ZFPM2: variants seen among roughly 807,000 people sequenced by gnomAD.
ZFPM2 encodes zinc finger protein, FOG family member 2.
A neutral mutation model predicts 98.6 loss-of-function variants in ZFPM2; 20 were observed. That is an observed-to-expected ratio of 0.20 (90% CI 0.14 to 0.29). The LOEUF (loss-of-function observed/expected upper bound fraction) is 0.29, where lower values mean the gene tolerates loss of function less well. ZFPM2 is among the 10% of genes least tolerant of loss of function. ZFPM2 has a pLI of 1.00. For missense variants in ZFPM2, 1,310 were observed against 1,388.6 expected (o/e 0.94, Z 0.90); for synonymous variants, 518 against 502.7 (o/e 1.03, Z -0.41).
chr8:105,539,226 T>TA (rs1814525202), intron 3 of ZFPM2, among the ~76,000 whole-genome samples: 1 of 152,180 alleles, frequency 6.6e-6, no homozygotes, highest in Non-Finnish European at 1.5e-5. Context: ...AAAATGTCTG[T>TA]ATTCTGTACT....
intron 3 of ZFPM2, among the ~76,000 whole-genome samples, chr8:105,465,647 A>G (rs1161069125): frequency 6.6e-6 from 1 of 151,924 alleles, no homozygotes; most frequent in Non-Finnish European, 1.5e-5. Flanking sequence ...AAAGCCAACT[A>G]TTTGCAATAT....
At chr8:105,666,215 C>T (rs1401515313) in intron 5 of ZFPM2, among the ~76,000 whole-genome samples, 2 of 150,500 alleles carry the variant, frequency 1.3e-5, no homozygotes, top group Non-Finnish European at 2.9e-5. Context: ...CATAACTTCC[C>T]ATTTACTCTA....
At chr8:105,626,195 A>G (rs1816650829) in intron 4 of ZFPM2, among the ~76,000 whole-genome samples, 1 of 152,032 alleles carries the variant, frequency 6.6e-6, no homozygotes, top group African/African-American at 2.4e-5. Context: ...TAATGTTGAG[A>G]CTCTAGACCA....
intron 5 of ZFPM2, among the ~76,000 whole-genome samples, chr8:105,689,962 C>T (rs190653977): frequency 4.3e-4 from 66 of 152,222 alleles, no homozygotes; most frequent in African/African-American, 1.6e-3. Flanking sequence ...CTTGATCTTC[C>T]TTATATTTAC....
Position 105,653,854 on chromosome 8 carries a change from C to CTTTTTTTTTTTTTT in ZFPM2, c.532+19517_532+19530dup, listed in dbSNP as rs60218363. On this transcript the variant is annotated intron_variant, in intron 5 of 7. Coordinates refer to ENST00000407775, the MANE Select transcript of ZFPM2 (RefSeq NM_012082.4). ...CTTTATACAACAGCTTGTGTGCTAT[C>CTTTTTTTTTTTTTT]TTTTTTTTTTTTTTTTTTTTTTTTT... is the stretch of plus-strand genomic sequence containing the variant. Among the ~76,000 whole-genome samples, 24 of 35,286 alleles carry CTTTTTTTTTTTTTT rather than the reference C, an allele frequency of 6.8e-4. 4 individuals carry two copies. Among genetic ancestry groups the CTTTTTTTTTTTTTT allele is most frequent in the Non-Finnish European group, 8.8e-4 (18 of 20,362 alleles). 23.1% of individuals were successfully genotyped at this position (35,286 alleles called of 152,430 possible).
At chr8:105,569,724 T>C (rs1815315595) in intron 4 of ZFPM2, among the ~76,000 whole-genome samples, 1 of 152,174 alleles carries the variant, frequency 6.6e-6, no homozygotes. Flanking sequence ...TCCCTCACTA[T>C]GACATGGGTG....
intron 4 of ZFPM2, among the ~76,000 whole-genome samples, chr8:105,612,745 T>C (rs1301678048): frequency 6.6e-6 from 1 of 152,226 alleles, no homozygotes; most frequent in African/African-American, 2.4e-5. Context: ...CCTTGCTCTC[T>C]CTTTCTACAG....
At chr8:105,620,712 A>G (rs6999032) in intron 4 of ZFPM2, among the ~76,000 whole-genome samples, 30,781 of 152,018 alleles carry the variant, frequency 0.2, 3,157 homozygotes, top group South Asian at 0.26. Context: ...TTTTATATAA[A>G]TTGTAAGGAA....
intron 3 of ZFPM2, among the ~76,000 whole-genome samples, chr8:105,479,603 A>G (rs1813078485): frequency 6.6e-6 from 1 of 152,214 alleles, no homozygotes; most frequent in Non-Finnish European, 1.5e-5. Flanking sequence ...AAGAACAATG[A>G]TTAGGAGTCA....
rs562680973 is a variant in ZFPM2 at position 105,322,290 on chromosome 8, A to T, written c.40+3309A>T. 1.8e-4 allele frequency among the ~76,000 whole-genome samples: 28 copies of T among 152,072 alleles called. 1 individual carries two copies. The highest frequency in any genetic ancestry group is 1.8e-3 in the Admixed American group (27 of 15,272). ...AAATGATGATTTTTTTCTTTTACCA[A>T]TGCATCTCTTTATGATTAGTAAATG... is the stretch of plus-strand genomic sequence containing the variant. On this transcript the variant is annotated intron_variant, in intron 1 of 7. Coordinates refer to ENST00000407775, the MANE Select transcript of ZFPM2 (RefSeq NM_012082.4).
chr8:105,798,869 C>T lies in ZFPM2; in HGVS notation c.885C>T (p.Ser295=), dbSNP rs1289777809. The T allele has an allele frequency of 6.2e-7, 1 of 1,614,008 alleles. No homozygotes were observed. Among genetic ancestry groups the T allele is most frequent in the Non-Finnish European group, 8.5e-7 (1 of 1,179,876 alleles). Residue 295 remains serine (S), a synonymous_variant, in exon 7 of 8, where the codon TCC becomes TCT. Transcript: ENST00000407775. ...EENEDSAHQI[S]SLCPFPQCTK... ...ATGAAGACAGTGCCCATCAGATTTC[C>T]AGCCTGTGCCCCTTCCCACAGTGCA...
chr8:105,359,094 G>A (rs1280195431), intron 1 of ZFPM2, among the ~76,000 whole-genome samples: 1 of 151,974 alleles, frequency 6.6e-6, no homozygotes, highest in Non-Finnish European at 1.5e-5. Context: ...GAAACTTGGT[G>A]GGAGATCATT....
intron 3 of ZFPM2, among the ~76,000 whole-genome samples, chr8:105,456,774 G>A (rs536067795): frequency 6.6e-6 from 1 of 152,234 alleles, no homozygotes; most frequent in South Asian, 2.1e-4. Context: ...CTGGGTTCAA[G>A]CGATTCTCCT....
intron 1 of ZFPM2, among the ~76,000 whole-genome samples, chr8:105,382,654 T>G (rs1475227163): frequency 6.6e-6 from 1 of 152,058 alleles, no homozygotes; most frequent in Non-Finnish European, 1.5e-5. Context: ...AAAGTCTAGC[T>G]TCTACATTTG....
intron 3 of ZFPM2, among the ~76,000 whole-genome samples, chr8:105,478,653 G>A (rs547255033): frequency 2.0e-5 from 3 of 152,304 alleles, no homozygotes; most frequent in African/African-American, 7.2e-5. Context: ...TTAGTACTGG[G>A]AAGTACCTTA....
chr8:105,419,837 C>T (rs1486755698), intron 2 of ZFPM2, among the ~76,000 whole-genome samples: 1 of 142,968 alleles, frequency 7.0e-6, no homozygotes, highest in Non-Finnish European at 1.5e-5. Flanking sequence ...TTTTTTGACA[C>T]ATTAACAATA....
intron 7 of ZFPM2, among the ~76,000 whole-genome samples, 188 bp from the exon 8 acceptor site, chr8:105,800,859 T>G (rs1353626798): frequency 6.6e-6 from 1 of 152,186 alleles, no homozygotes; most frequent in East Asian, 1.9e-4. Context: ...CTTTGAAAAC[T>G]ATAAAGTGCT....
chr8:105,407,047 T>C (rs1278050479), intron 1 of ZFPM2, among the ~76,000 whole-genome samples: 3 of 151,458 alleles, frequency 2.0e-5, no homozygotes, highest in Non-Finnish European at 4.4e-5. Context: ...TCCTTTTTGC[T>C]ATCAGAAAGC....
intron 4 of ZFPM2, among the ~76,000 whole-genome samples, chr8:105,563,692 A>G (rs1815186332): frequency 6.6e-6 from 1 of 152,184 alleles, no homozygotes; most frequent in Non-Finnish European, 1.5e-5. Flanking sequence ...CTAAACATCA[A>G]AGATTGAATT....
Sources: allele counts gnomAD v4.1 joint callset (sites outside exome capture counted in the v4.1 genomes callset), GRCh38; gene constraint gnomAD v4.1.1; transcripts MANE v1.5; gene names NCBI Gene and HGNC (gene_info 2026-07-23, HGNC 2026-07-21).